Variants in P3H2 observed in about 807,000 individuals in gnomAD.
P3H2 encodes leprecan-like 1.
Under a neutral mutation model 87.0 loss-of-function variants are expected in P3H2, and 80 were observed. That is an observed-to-expected ratio of 0.92 (90% CI 0.77 to 1.11). The LOEUF (loss-of-function observed/expected upper bound fraction) is 1.11. Among genes scored for constraint, P3H2 ranks in the 50% least tolerant of loss-of-function variants. P3H2 has a pLI of 0.00. For missense variants in P3H2, 1,001 were observed against 923.9 expected (o/e 1.08, Z -1.08); for synonymous variants, 367 against 359.3 (o/e 1.02, Z -0.24).
rs75374438 is a variant in P3H2 at position 189,988,872 on chromosome 3, C to T, written c.955+35G>A. The stretch of plus-strand genomic sequence containing the variant: ...ATGTCTGTAATGATGAACCACAACC[C>T]CCCAAGAAGTCTTCACGGATGATCC... On this transcript the variant is annotated intron_variant, in intron 4 of 14. Transcript: ENST00000319332. 0.048 allele frequency: 77,133 copies of T among 1,612,794 alleles called. 2,224 individuals carry two copies. Among genetic ancestry groups the T allele is most frequent in the Non-Finnish European group, 0.053 (62,896 of 1,178,966 alleles).
intron 1 of P3H2, among the ~76,000 whole-genome samples, chr3:190,007,910 C>CTTCAGACTGGCTCAAAAA (rs1724437552): frequency 7.3e-6 from 1 of 137,846 alleles, no homozygotes; most frequent in Non-Finnish European, 1.6e-5. Flanking sequence ...TTCTAGTCTG[C>CTTCAGACTGGCTCAAAAA]TTCAGACTGG....
At chr3:190,069,119 G>T (rs1726612493) in intron 1 of P3H2, among the ~76,000 whole-genome samples, 1 of 152,028 alleles carries the variant, frequency 6.6e-6, no homozygotes, top group Non-Finnish European at 1.5e-5. Flanking sequence ...CTTTCACATG[G>T]TAAAGTTCAA....
At chr3:190,051,105 C>G (rs1309509417) in intron 1 of P3H2, among the ~76,000 whole-genome samples, 1 of 152,134 alleles carries the variant, frequency 6.6e-6, no homozygotes, top group African/African-American at 2.4e-5. Context: ...ACTGTATCAT[C>G]ATGTAATTTG....
chr3:190,049,658 T>A (rs1725913410), intron 1 of P3H2, among the ~76,000 whole-genome samples: 2 of 152,190 alleles, frequency 1.3e-5, no homozygotes, highest in African/African-American at 4.8e-5. Context: ...CACCTATCTA[T>A]AAATAAGACT....
chr3:190,097,452 A>T lies in P3H2; in HGVS notation c.480+22800T>A, dbSNP rs150324449. Among the ~76,000 whole-genome samples the T allele has an allele frequency of 1.2e-4, 18 of 152,318 alleles. No individual in the cohort carries two copies. In the East Asian group the frequency reaches 3.3e-3, roughly 28 times the overall value. On this transcript the variant is annotated intron_variant, in intron 1 of 14. Coordinates refer to ENST00000319332, the MANE Select transcript of P3H2 (RefSeq NM_018192.4). The stretch of plus-strand genomic sequence containing the variant: ...CTACAAACAAACAGACTGTGGACTG[A>T]AAAATAAAACAAAACGATTCCACCT...
At chr3:190,051,754 G>A (rs997114856) in intron 1 of P3H2, among the ~76,000 whole-genome samples, 10 of 152,218 alleles carry the variant, frequency 6.6e-5, no homozygotes, top group African/African-American at 2.4e-4. Flanking sequence ...AGCCCACAGT[G>A]AATTCTTGCA....
chr3:189,970,405 G>A (rs1723142991), intron 13 of P3H2, among the ~76,000 whole-genome samples: 1 of 150,116 alleles, frequency 6.7e-6, no homozygotes, highest in African/African-American at 2.5e-5. Flanking sequence ...GAAGGCCAAT[G>A]CTCAGTCCAA....
At chr3:189,965,147 A>T (rs1464326257) in intron 13 of P3H2, among the ~76,000 whole-genome samples, 1 of 152,236 alleles carries the variant, frequency 6.6e-6, no homozygotes, top group East Asian at 1.9e-4. Flanking sequence ...ACTTGAGTTG[A>T]CATATGCCCG....
At chr3:190,014,069 G>C (rs1450466460) in intron 1 of P3H2, among the ~76,000 whole-genome samples, 2 of 152,152 alleles carry the variant, frequency 1.3e-5, no homozygotes, top group African/African-American at 4.8e-5. Flanking sequence ...TGATTTATGA[G>C]AAGTATTTAT....
In P3H2 at chr3:189,987,621, C is replaced by A. The variant is rs1198693437; in HGVS notation, c.1004G>T (p.Cys335Phe). The A allele has an allele frequency of 6.2e-7, 1 of 1,614,134 alleles. No individual in the cohort carries two copies. Among genetic ancestry groups the A allele is most frequent in the South Asian group, 1.1e-5 (1 of 91,084 alleles). The change falls in exon 5 of 15, where the codon TGC becomes TTC. Residue 335 changes from cysteine to phenylalanine, a missense_variant. Physicochemically the swap from Cys to Phe is radical, Grantham distance 205. Coordinates refer to ENST00000319332, the MANE Select transcript of P3H2 (RefSeq NM_018192.4). ...ALECAKAYLL[C>F]HPDDEDVLDN... ...TAGGACATCCTCATCATCTGGATGG[C>A]ATAGAAGATAGGCTTTGGCACACTC...
intron 1 of P3H2, among the ~76,000 whole-genome samples, chr3:190,017,753 T>C (rs924198699): frequency 1.2e-4 from 18 of 152,208 alleles, no homozygotes. Flanking sequence ...CAAGAAAACC[T>C]CTACAATCTA....
intron 4 of P3H2, 80 bp from the exon 5 acceptor site, chr3:189,987,749 T>A: frequency 6.4e-7 from 1 of 1,554,014 alleles, no homozygotes; most frequent in Non-Finnish European, 8.9e-7. Context: ...TCAACGTGTC[T>A]ACAAAGGTCA....
intron 1 of P3H2, among the ~76,000 whole-genome samples, chr3:190,080,315 G>A (rs912608053): frequency 6.6e-6 from 1 of 152,188 alleles, no homozygotes; most frequent in African/African-American, 2.4e-5. Flanking sequence ...GACCTTGAGT[G>A]CCATAGTAAG....
At chr3:189,960,284 G>A (rs541104393) in intron 14 of P3H2, among the ~76,000 whole-genome samples, 2 of 152,220 alleles carry the variant, frequency 1.3e-5, no homozygotes, top group Non-Finnish European at 2.9e-5. Context: ...ATTGGTCACC[G>A]TGTGAAAAAT....
intron 1 of P3H2, among the ~76,000 whole-genome samples, chr3:190,017,873 T>C (rs1368314259): frequency 6.6e-6 from 1 of 152,214 alleles, no homozygotes; most frequent in Non-Finnish European, 1.5e-5. Context: ...GGCAGAAAAG[T>C]GCTTCAATGG....
Position 190,034,107 on chromosome 3 carries a change from G to T in P3H2, c.481-38665C>A, listed in dbSNP as rs893479328. Reference sequence around the variant, plus strand: ...AAAAAGATTTAATGTAGTTATTGTGGCAAGATAAGACTCAACATGATATAA... The same window carrying T: ...AAAAAGATTTAATGTAGTTATTGTGTCAAGATAAGACTCAACATGATATAA... On this transcript the variant is annotated intron_variant, in intron 1 of 14. Coordinates refer to ENST00000319332, the MANE Select transcript of P3H2 (RefSeq NM_018192.4). Among the ~76,000 whole-genome samples the T allele has an allele frequency of 2.6e-5, 4 of 152,150 alleles. No individual in the cohort carries two copies. In the East Asian group the frequency reaches 7.7e-4, roughly 29 times the overall value.
At chr3:189,963,885 T>C (rs757019799) in intron 14 of P3H2, 73 bp downstream of exon 14, 7 of 1,518,492 alleles carry the variant, frequency 4.6e-6, no homozygotes, top group Non-Finnish European at 5.5e-6. Context: ...GACGAAGCAA[T>C]TTAAAGGACT....
At chr3:189,971,545 T>C (rs142353499) in intron 12 of P3H2, 180 of 320,294 alleles carry the variant, frequency 5.6e-4, no homozygotes, top group African/African-American at 3.7e-3. Context: ...AGTCCTTATG[T>C]AGGCCAAGAC....
At chr3:190,019,785 A>AAAATATAT (rs1219688564) in intron 1 of P3H2, among the ~76,000 whole-genome samples, 4 of 37,388 alleles carry the variant, frequency 1.1e-4, no homozygotes, top group African/African-American at 2.7e-4. Flanking sequence ...GAAATTAAAA[A>AAAATATAT]ATATATATAT....
Sources: allele counts gnomAD v4.1 joint callset (sites outside exome capture counted in the v4.1 genomes callset), GRCh38; gene constraint gnomAD v4.1.1; transcripts MANE v1.5; gene names NCBI Gene and HGNC (gene_info 2026-07-23, HGNC 2026-07-21).